UNC5D: variants seen among roughly 807,000 people sequenced by gnomAD.
The protein encoded by UNC5D is unc-5 netrin receptor D.
Under a neutral mutation model 105.4 loss-of-function variants are expected in UNC5D, and 39 were observed. The ratio of observed to expected loss-of-function variants is 0.37; its 90% CI spans 0.29 to 0.48. The LOEUF (loss-of-function observed/expected upper bound fraction) is 0.48. Among genes scored for constraint, UNC5D ranks in the 20% least tolerant of loss-of-function variants. The probability of loss-of-function intolerance (pLI) is 0.98; values close to 1 mark genes in which losing one functional copy is unlikely to be tolerated. For missense variants in UNC5D, 991 were observed against 1,202.4 expected (o/e 0.82, Z 2.60); for synonymous variants, 452 against 450.4 (o/e 1.00, Z -0.04).
At chr8:35,339,862 A>AG (rs1281892369) in intron 1 of UNC5D, among the ~76,000 whole-genome samples, 2 of 152,176 alleles carry the variant, frequency 1.3e-5, no homozygotes, top group Non-Finnish European at 2.9e-5. Flanking sequence ...CAGTAGGAAG[A>AG]GGAAGGGGTT....
chr8:35,428,698 C>G (rs1450603888), intron 1 of UNC5D, among the ~76,000 whole-genome samples: 4 of 151,844 alleles, frequency 2.6e-5, no homozygotes, highest in Admixed American at 2.0e-4. Context: ...GGTGTTGAAC[C>G]CTTGACCAGC....
chr8:35,534,428 G>A (rs947369647), intron 1 of UNC5D, among the ~76,000 whole-genome samples: 2 of 151,922 alleles, frequency 1.3e-5, no homozygotes, highest in African/African-American at 4.8e-5. Flanking sequence ...TAACACTAAT[G>A]TGACATCCAC....
At chr8:35,603,567 T>G (rs1216413800) in intron 4 of UNC5D, among the ~76,000 whole-genome samples, 1 of 152,142 alleles carries the variant, frequency 6.6e-6, no homozygotes, top group Non-Finnish European at 1.5e-5. Context: ...GTCCACTTGG[T>G]GCAGAGCTGA....
At chr8:35,411,641 T>C (rs1805175957) in intron 1 of UNC5D, among the ~76,000 whole-genome samples, 1 of 152,108 alleles carries the variant, frequency 6.6e-6, no homozygotes, top group Admixed American at 6.6e-5. Context: ...ATCTTACCTG[T>C]AAACCACAAC....
rs1397739618 is a variant in UNC5D at position 35,549,160 on chromosome 8, C to T, written c.104-132C>T. On this transcript the variant is annotated intron_variant, in intron 1 of 16. Coordinates refer to ENST00000404895, the MANE Select transcript of UNC5D (RefSeq NM_080872.4). ...AGATAATTCATCTACACCAGTTCTACAAGCATGCTTTATTAATAAAGCGAA... is the reference window on the plus strand; with the variant it reads ...AGATAATTCATCTACACCAGTTCTATAAGCATGCTTTATTAATAAAGCGAA... 11 of 849,980 alleles carry T rather than the reference C, an allele frequency of 1.3e-5. No individual in the cohort carries two copies. In the South Asian group the frequency reaches 1.8e-4, roughly 14 times the overall value. The allele number at this position is 849,980 out of a possible 1,614,324, so 52.7% of individuals were successfully genotyped here.
chr8:35,779,700 C>T (rs1453553571), intron 16 of UNC5D, among the ~76,000 whole-genome samples: 2 of 152,148 alleles, frequency 1.3e-5, no homozygotes, highest in Non-Finnish European at 2.9e-5. Flanking sequence ...AAGTAATCCG[C>T]CTGCCTCGGC....
At chr8:35,502,168 A>G (rs1812015452) in intron 1 of UNC5D, among the ~76,000 whole-genome samples, 1 of 152,188 alleles carries the variant, frequency 6.6e-6, no homozygotes, top group Admixed American at 6.5e-5. Flanking sequence ...TTATCCCTCA[A>G]TTTCTGCAGA....
chr8:35,702,532 A>G (rs980573413), intron 7 of UNC5D, among the ~76,000 whole-genome samples: 6 of 152,034 alleles, frequency 3.9e-5, no homozygotes, highest in African/African-American at 1.4e-4. Context: ...CTTTGGAGAG[A>G]GGTAAAATTA....
At chr8:35,280,910 A>G (rs138328651) in intron 1 of UNC5D, among the ~76,000 whole-genome samples, 35 of 152,222 alleles carry the variant, frequency 2.3e-4, no homozygotes, top group African/African-American at 8.4e-4. Flanking sequence ...AGTCTTTCCC[A>G]TTGCCTAACA....
intron 4 of UNC5D, among the ~76,000 whole-genome samples, chr8:35,641,366 C>CAAAAAAAAAAAAAAAAAAGAAAAAAA (rs1822707866): frequency 2.3e-5 from 1 of 44,292 alleles, no homozygotes; most frequent in African/African-American, 8.5e-5. Flanking sequence ...AAAAATAAAG[C>CAAAAAAAAAAAAAAAAAAGAAAAAAA]AAAAAAAAAA....
intron 1 of UNC5D, among the ~76,000 whole-genome samples, chr8:35,421,712 C>T (rs1805917284): frequency 6.6e-6 from 1 of 152,006 alleles, no homozygotes; most frequent in Admixed American, 6.6e-5. Flanking sequence ...TATATATGTA[C>T]TCACACACAT....
At chr8:35,705,109 C>T (rs548875545) in intron 7 of UNC5D, among the ~76,000 whole-genome samples, 14 of 152,070 alleles carry the variant, frequency 9.2e-5, no homozygotes, top group South Asian at 8.3e-4. Context: ...GGACTACAGG[C>T]GCCTGCCACC....
At chr8:35,731,386 G>C (rs1245782346) in intron 11 of UNC5D, among the ~76,000 whole-genome samples, 3 of 109,378 alleles carry the variant, frequency 2.7e-5, no homozygotes, top group Non-Finnish European at 5.1e-5. Context: ...GGGCAACAGT[G>C]AGACTCTGTC....
At chr8:35,416,818 T>C (rs1805562228) in intron 1 of UNC5D, among the ~76,000 whole-genome samples, 1 of 152,196 alleles carries the variant, frequency 6.6e-6, no homozygotes, top group Non-Finnish European at 1.5e-5. Flanking sequence ...TATATAACAA[T>C]AATTTTATTT....
chr8:35,376,391 T>G (rs1295837690), intron 1 of UNC5D, among the ~76,000 whole-genome samples: 1 of 152,094 alleles, frequency 6.6e-6, no homozygotes, highest in Admixed American at 6.6e-5. Flanking sequence ...GTGATCCTGT[T>G]TCTGAAAAGT....
At chr8:35,410,184 G>A (rs1805074663) in intron 1 of UNC5D, among the ~76,000 whole-genome samples, 1 of 151,916 alleles carries the variant, frequency 6.6e-6, no homozygotes, top group Non-Finnish European at 1.5e-5. Context: ...TACGTAGTAA[G>A]CATTCAATAA....
chr8:35,266,705 G>C (rs186549426), intron 1 of UNC5D, among the ~76,000 whole-genome samples: 39 of 152,318 alleles, frequency 2.6e-4, no homozygotes, highest in Non-Finnish European at 4.4e-5. Flanking sequence ...TGAATGCCTG[G>C]AAGTGACCAG....
chr8:35,292,935 C>T (rs1807188414), intron 1 of UNC5D, among the ~76,000 whole-genome samples: 1 of 152,016 alleles, frequency 6.6e-6, no homozygotes, highest in South Asian at 2.1e-4. Context: ...AGTGATCCAC[C>T]CACCTCGGCC....
At chr8:35,665,958 CT>C (rs35368800) in intron 4 of UNC5D, among the ~76,000 whole-genome samples, 26,985 of 141,876 alleles carry the variant, frequency 0.19, 5,595 homozygotes, top group African/African-American at 0.52. Context: ...CTTGGTTATA[CT>C]TTTTTTTTTT....
Sources: gnomAD v4.1 joint callset for allele counts (sites outside exome capture counted in the v4.1 genomes callset) on GRCh38, gnomAD v4.1.1 for gene constraint, MANE v1.5 for transcripts, NCBI Gene and HGNC (gene_info 2026-07-23, HGNC 2026-07-21) for gene names.